The following IL1RAPL1 variants were observed in gnomAD, a reference collection of about 807,000 sequenced individuals.
The protein encoded by IL1RAPL1 is interleukin-1 receptor accessory protein-like 1.
IL1RAPL1 carries 3 observed loss-of-function variants against 48.4 expected under a neutral mutation model. That is an observed-to-expected ratio of 0.06 (90% CI 0.03 to 0.16). The LOEUF (loss-of-function observed/expected upper bound fraction) is 0.16, where lower values mean the gene tolerates loss of function less well. IL1RAPL1 is among the 10% of genes least tolerant of loss of function. IL1RAPL1 has a pLI of 1.00. For synonymous variants in IL1RAPL1, 185 were observed against 187.7 expected (o/e 0.99, Z 0.12); for missense variants, 349 against 530.6 (o/e 0.66, Z 3.36).
intron 2 of IL1RAPL1, among the ~76,000 whole-genome samples, chrX:29,219,520 T>A (rs1252011622): frequency 3.6e-5 from 4 of 111,547 alleles, no homozygotes; most frequent in Non-Finnish European, 7.5e-5. Flanking sequence ...TCTAGGATTG[T>A]GCCCAGTACC....
intron 4 of IL1RAPL1, 55 bp downstream of exon 4, chrX:29,396,499 T>G (rs1290702945): frequency 9.3e-7 from 1 of 1,069,640 alleles, no homozygotes; most frequent in Non-Finnish European, 1.3e-6. Context: ...TGCCTTATAT[T>G]CTGGGACAAA....
chrX:28,711,689 G>T (rs370014493), intron 1 of IL1RAPL1, among the ~76,000 whole-genome samples: 1 of 107,256 alleles, frequency 9.3e-6, no homozygotes, highest in African/African-American at 3.4e-5. Flanking sequence ...CAAGGGCCTG[G>T]CCAAGAAGGG....
At chrX:29,036,546 A>G (rs773981372) in intron 2 of IL1RAPL1, among the ~76,000 whole-genome samples, 1 of 111,993 alleles carries the variant, frequency 8.9e-6, no homozygotes, top group Non-Finnish European at 1.9e-5. Context: ...GCTGGAAAAT[A>G]TTGTCAAGGT....
intron 2 of IL1RAPL1, among the ~76,000 whole-genome samples, chrX:29,158,943 CCTCCCTCTCCCTCT>C (rs1929626143): frequency 1.7e-4 from 9 of 54,291 alleles, no homozygotes; most frequent in African/African-American, 6.3e-4. Context: ...CCCCCCCCTC[CCTCCCTCTCCCTCT>C]CTCTCTCTCT....
At chrX:29,469,972 A>G (rs2147739200) in intron 5 of IL1RAPL1, among the ~76,000 whole-genome samples, 1 of 112,261 alleles carries the variant, frequency 8.9e-6, no homozygotes, top group Non-Finnish European at 1.9e-5. Flanking sequence ...TCGTGACTTC[A>G]ATACTTCAGG....
At position 28,771,937 on chromosome X, in the gene IL1RAPL1, C is replaced by CAAA. The variant is rs5901904; in HGVS notation, c.-24-17363_-24-17361dup. ...TGGGCGACAGAGCGAGACTCCGTCT[C>CAAA]AAAAAAAAAAAAAAAAAAAAAAGAA... On this transcript the variant is annotated intron_variant, in intron 1 of 10. Coordinates refer to ENST00000378993, the MANE Select transcript of IL1RAPL1 (RefSeq NM_014271.4). Among the ~76,000 whole-genome samples, 169 of 41,297 alleles carry CAAA rather than the reference C, an allele frequency of 4.1e-3. 5 individuals carry two copies. Among genetic ancestry groups the CAAA allele is most frequent in the African/African-American group, 0.01 (110 of 10,909 alleles). The allele number at this position is 41,297 out of a possible 115,157, so 35.9% of individuals were successfully genotyped here.
chrX:29,886,569 T>C (rs907097844), intron 6 of IL1RAPL1, among the ~76,000 whole-genome samples: 2 of 112,356 alleles, frequency 1.8e-5, no homozygotes, highest in Admixed American at 1.9e-4. Context: ...TCATTGAAAA[T>C]CTTTAGGAAT....
chrX:29,648,724 C>T (rs1298176501), intron 5 of IL1RAPL1, among the ~76,000 whole-genome samples: 1 of 110,514 alleles, frequency 9.0e-6, no homozygotes, highest in East Asian at 2.8e-4. Context: ...CTGCAAGGAA[C>T]TAGAAAAACA....
At position 29,666,128 on chromosome X, in the gene IL1RAPL1, T is replaced by G. The variant is rs978580391; in HGVS notation, c.704-2302T>G. On this transcript the variant is annotated intron_variant, in intron 5 of 10. Coordinates refer to ENST00000378993, the MANE Select transcript of IL1RAPL1 (RefSeq NM_014271.4). ...TTAATATTTTTTATTAAATTAAAAT[T>G]TATTTTTAAATTTTTATTAAAGTTT... is the stretch of plus-strand genomic sequence containing the variant. 6.3e-5 allele frequency among the ~76,000 whole-genome samples: 7 copies of G among 111,275 alleles called. No individual in the cohort carries two copies. In the Admixed American group the frequency reaches 6.7e-4, roughly 11 times the overall value.
At chrX:29,538,163 A>G (rs1378006202) in intron 5 of IL1RAPL1, among the ~76,000 whole-genome samples, 2 of 108,097 alleles carry the variant, frequency 1.9e-5, no homozygotes, top group Non-Finnish European at 3.8e-5. Context: ...TGATTTTTAT[A>G]TTAAAAATAT....
chrX:29,563,804 G>A (rs182258006), intron 5 of IL1RAPL1, among the ~76,000 whole-genome samples: 35 of 111,993 alleles, frequency 3.1e-4, no homozygotes, highest in Admixed American at 2.5e-3. Flanking sequence ...TGATGGATTC[G>A]AAGAAGTGAA....
intron 5 of IL1RAPL1, among the ~76,000 whole-genome samples, chrX:29,631,890 CTAA>C (rs778188185): frequency 1.8e-5 from 2 of 111,698 alleles, no homozygotes; most frequent in Non-Finnish European, 3.8e-5. Flanking sequence ...CAGTACAAAA[CTAA>C]TGGATACAAA....
chrX:29,751,676 A>G (rs781009753), intron 6 of IL1RAPL1, among the ~76,000 whole-genome samples: 1 of 110,890 alleles, frequency 9.0e-6, no homozygotes, highest in Non-Finnish European at 1.9e-5. Context: ...CAAACCTATA[A>G]TCCCAGTGTT....
intron 5 of IL1RAPL1, among the ~76,000 whole-genome samples, chrX:29,599,002 T>G: frequency 8.9e-6 from 1 of 112,380 alleles, no homozygotes. Flanking sequence ...ATGTATCTTT[T>G]AAAGTGGAGT....
At chrX:29,246,790 G>T (rs1168232989) in intron 2 of IL1RAPL1, among the ~76,000 whole-genome samples, 1 of 111,112 alleles carries the variant, frequency 9.0e-6, no homozygotes, top group Non-Finnish European at 1.9e-5. Flanking sequence ...AACCATAATT[G>T]TTTTGAAGTC....
rs144552954 is a variant in IL1RAPL1, at chrX:29,590,799, G to A, written c.704-77631G>A. 8.0e-3 allele frequency among the ~76,000 whole-genome samples: 892 copies of A among 111,726 alleles called. 11 individuals are homozygous for A. Among genetic ancestry groups the A allele is most frequent in the African/African-American group, 0.028 (850 of 30,708 alleles). On this transcript the variant is annotated intron_variant, in intron 5 of 10. Transcript: ENST00000378993. ...ATAAACTATAAGGTGACCACCTGACGACAGAGTAGCACTAACCTGACATCA... is the reference window on the plus strand; with the variant it reads ...ATAAACTATAAGGTGACCACCTGACAACAGAGTAGCACTAACCTGACATCA...
chrX:29,142,547 A>G (rs1192991615), intron 2 of IL1RAPL1, among the ~76,000 whole-genome samples: 3 of 112,078 alleles, frequency 2.7e-5, no homozygotes, highest in African/African-American at 9.7e-5. Context: ...AGTTCATCAT[A>G]TTGTATCGAC....
In IL1RAPL1 at chrX:29,335,891, A is replaced by C. The variant is rs1360626349; in HGVS notation, c.362+52674A>C. 2.7e-5 allele frequency among the ~76,000 whole-genome samples: 3 copies of C among 110,965 alleles called. No individual in the cohort carries two copies. In the East Asian group the frequency reaches 8.4e-4, roughly 31 times the overall value. On this transcript the variant is annotated intron_variant, in intron 3 of 10. Transcript: ENST00000378993. ...CTTTTGAAAAAATGCCAGTTAATAA[A>C]AAGGATATATAGGTATCAAGTATCC...
chrX:29,933,658 A>C (rs1165676403), intron 8 of IL1RAPL1, among the ~76,000 whole-genome samples: 17 of 85,238 alleles, frequency 2.0e-4, no homozygotes, highest in Non-Finnish European at 3.5e-4. Context: ...CAAAATAGAC[A>C]AAAAAAAAAA....
Sources: allele counts gnomAD v4.1 joint callset (sites outside exome capture counted in the v4.1 genomes callset), GRCh38; gene constraint gnomAD v4.1.1; transcripts MANE v1.5; gene names NCBI Gene and HGNC (gene_info 2026-07-23, HGNC 2026-07-21).